Variants in ZFAT observed in about 807,000 individuals in gnomAD.
The protein encoded by ZFAT is zinc finger protein ZFAT.
A neutral mutation model predicts 117.7 loss-of-function variants in ZFAT; 64 were observed. The observed-to-expected ratio is 0.54, with a 90% CI of 0.44 to 0.67. The LOEUF (loss-of-function observed/expected upper bound fraction) is 0.67. Ranked by LOEUF, ZFAT falls within the 30% of genes least tolerant of loss-of-function variation. The pLI is 0.00. For synonymous variants in ZFAT, 679 were observed against 615.0 expected, an observed-to-expected ratio of 1.10 and a Z score of -1.54; for missense variants, 1,433 against 1,584.5, an observed-to-expected ratio of 0.90 and a Z score of 1.62.
intron 15 of ZFAT, among the ~76,000 whole-genome samples, chr8:134,508,884 A>G (rs1819606238): frequency 6.6e-6 from 1 of 152,202 alleles, no homozygotes; most frequent in Non-Finnish European, 1.5e-5. Flanking sequence ...TTCAGATTAT[A>G]TATTTCCCTG....
the ZFAT span, among the ~76,000 whole-genome samples, chr8:134,772,847 G>T: frequency 6.6e-6 from 1 of 152,044 alleles, no homozygotes; most frequent in African/African-American, 2.4e-5. Flanking sequence ...GATCACTTGA[G>T]GTCAGGAGTT....
the ZFAT span, among the ~76,000 whole-genome samples, chr8:134,726,793 G>A: frequency 0.019 from 2,830 of 151,970 alleles, 75 homozygotes; most frequent in African/African-American, 0.064. Flanking sequence ...TATTTTGGTA[G>A]AGATGGGATT....
chr8:134,544,789 A>G (rs1822564091), intron 11 of ZFAT, among the ~76,000 whole-genome samples: 1 of 152,010 alleles, frequency 6.6e-6, no homozygotes, highest in African/African-American at 2.4e-5. Context: ...GTCACTGCAC[A>G]GCCACCAGAC....
intron 15 of ZFAT, among the ~76,000 whole-genome samples, chr8:134,495,844 C>T (rs11777890): frequency 6.6e-6 from 1 of 151,958 alleles, no homozygotes; most frequent in Non-Finnish European, 1.5e-5. Context: ...GTGGGAGGAT[C>T]GCTTGAGTAG....
At chr8:134,714,110 C>G (rs1273177849), upstream of ZFAT, among the ~76,000 whole-genome samples, 2 of 61,842 alleles carry the variant, frequency 3.2e-5, no homozygotes, top group East Asian at 1.2e-3. Flanking sequence ...AAGACATGCC[C>G]CCCCCCCCCC....
intron 13 of ZFAT, among the ~76,000 whole-genome samples, 155 bp from the exon 14 acceptor site, chr8:134,512,756 C>T (rs1819953693): frequency 6.6e-6 from 1 of 152,208 alleles, no homozygotes; most frequent in African/African-American, 2.4e-5. Context: ...CAGTTGCTCC[C>T]ATACACTTCT....
Position 134,601,478 on chromosome 8 carries a change from A to G in ZFAT, c.2241T>C (p.Cys747=). 2 of 1,604,240 alleles carry G rather than the reference A, an allele frequency of 1.2e-6. No homozygotes were observed. The highest frequency in any genetic ancestry group is 1.7e-6 in the Non-Finnish European group (2 of 1,172,966). Residue 747 remains cysteine, a splice_region_variant and synonymous_variant, in exon 6 of 16, where the codon TGT becomes TGC. Transcript: ENST00000377838. ...CGCACCGGCGCTGCCTTTCCTTACC[A>G]CAGTATTCACACTCCAGGTCTCCAT... ...KVYGDLECEY[C]GKLFWYQVHF... is the part of the protein sequence containing the mutation.
At chr8:134,522,853 C>T (rs1159890086) in intron 12 of ZFAT, among the ~76,000 whole-genome samples, 6 of 152,182 alleles carry the variant, frequency 3.9e-5, no homozygotes, top group Non-Finnish European at 8.8e-5. Context: ...ATACTATTGT[C>T]GACTTCCTCT....
chr8:134,768,854 T>C, the ZFAT span, among the ~76,000 whole-genome samples: 2 of 152,160 alleles, frequency 1.3e-5, no homozygotes, highest in African/African-American at 2.4e-5. Flanking sequence ...AAAGTCTTAA[T>C]TTACTCCAGC....
chr8:134,582,905 T>C (rs189730859), intron 10 of ZFAT, among the ~76,000 whole-genome samples: 5 of 152,352 alleles, frequency 3.3e-5, no homozygotes, highest in Admixed American at 1.3e-4. Context: ...AATTTTTATA[T>C]ATAATTTTGG....
chr8:134,784,866 G>T, the ZFAT span: 190 of 151,930 alleles, frequency 1.3e-3, 1 homozygote, highest in African/African-American at 4.4e-3. Context: ...CTAAATCTAA[G>T]GTTCTCTTTT....
chr8:134,665,668 C>T (rs1393671862), intron 1 of ZFAT, among the ~76,000 whole-genome samples: 2 of 151,972 alleles, frequency 1.3e-5, no homozygotes, highest in Admixed American at 6.6e-5. Context: ...CCGAGCATTC[C>T]CTCTGAGAGT....
chr8:134,753,446 G>A, the ZFAT span, among the ~76,000 whole-genome samples: 2 of 152,320 alleles, frequency 1.3e-5, no homozygotes, highest in Non-Finnish European at 2.9e-5. Flanking sequence ...ACTCGCACAT[G>A]ACTGGCTGTT....
At chr8:134,660,963 A>G (rs1831895030) in intron 1 of ZFAT, among the ~76,000 whole-genome samples, 2 of 152,202 alleles carry the variant, frequency 1.3e-5, no homozygotes, top group African/African-American at 4.8e-5. Flanking sequence ...GTGTCTGTGT[A>G]CTCAGCTCTC....
At chr8:134,538,683 G>C (rs1822022184) in intron 11 of ZFAT, among the ~76,000 whole-genome samples, 1 of 151,548 alleles carries the variant, frequency 6.6e-6, no homozygotes, top group South Asian at 2.1e-4. Flanking sequence ...TGTAGTCCCA[G>C]CTACTTGTGG....
chr8:134,521,002 C>G lies in ZFAT; in HGVS notation c.3116-1G>C. On this transcript the variant is annotated splice_acceptor_variant, in intron 12 of 15. Transcript: ENST00000377838. LOFTEE classifies it high-confidence loss of function. ...CTGCAAACAGGACACTTCAAACCAC[C>G]TGAAAGCACAGACAGAGGTTAAAAA... is the stretch of plus-strand genomic sequence containing the variant. 6.2e-7 allele frequency: 1 copy of G among 1,610,396 alleles called. No homozygotes were observed. Among genetic ancestry groups the G allele is most frequent in the Admixed American group, 1.7e-5 (1 of 59,454 alleles).
chr8:134,616,456 C>A (rs550939690), intron 3 of ZFAT, among the ~76,000 whole-genome samples: 21 of 152,150 alleles, frequency 1.4e-4, no homozygotes, highest in Non-Finnish European at 2.8e-4. Flanking sequence ...TGAAATGCCT[C>A]GAGGACCCGA....
the ZFAT span, among the ~76,000 whole-genome samples, chr8:134,718,917 G>A: frequency 5.0e-4 from 76 of 152,316 alleles, 1 homozygote; most frequent in Middle Eastern, 3.4e-3. Context: ...ATATGACGTG[G>A]CAGTTTGAAA....
At chr8:134,591,946 G>C (rs536592254) in intron 7 of ZFAT, among the ~76,000 whole-genome samples, 2 of 152,194 alleles carry the variant, frequency 1.3e-5, no homozygotes, top group Non-Finnish European at 2.9e-5. Context: ...GTGGCACTTT[G>C]ATTGCCAAGC....
Sources: allele counts gnomAD v4.1 joint callset (sites outside exome capture counted in the v4.1 genomes callset), GRCh38; gene constraint gnomAD v4.1.1; transcripts MANE v1.5; gene names NCBI Gene and HGNC (gene_info 2026-07-23, HGNC 2026-07-21).